CCDC73: variants seen among roughly 807,000 people sequenced by gnomAD.
CCDC73 encodes the protein coiled-coil domain-containing protein 73.
A neutral mutation model predicts 116.5 loss-of-function variants in CCDC73; 95 were observed. That is an observed-to-expected ratio of 0.82 (90% CI 0.69 to 0.97). CCDC73 has a LOEUF of 0.97. Ranked by LOEUF, CCDC73 falls within the 50% of genes least tolerant of loss-of-function variation. CCDC73 has a pLI of 0.00. For missense variants in CCDC73, 1,066 were observed against 1,206.8 expected, an observed-to-expected ratio of 0.88 and a Z score of 1.73; for synonymous variants, 398 against 401.3, an observed-to-expected ratio of 0.99 and a Z score of 0.10.
chr11:32,822,663 C>T, the CCDC73 span, among the ~76,000 whole-genome samples: 2 of 150,696 alleles, frequency 1.3e-5, no homozygotes, highest in African/African-American at 2.4e-5. Context: ...TATTATTAAA[C>T]CTAAGAAAAT....
At chr11:32,616,206 G>T in intron 14 of CCDC73, 77 bp from the exon 15 acceptor site, 4 of 1,371,934 alleles carry the variant, frequency 2.9e-6, no homozygotes, top group East Asian at 5.2e-5. Flanking sequence ...TGATAAATGT[G>T]GAATCTGTGT....
At chr11:32,819,469 T>TC in the CCDC73 span, among the ~76,000 whole-genome samples, 1 of 148,914 alleles carries the variant, frequency 6.7e-6, no homozygotes, top group Non-Finnish European at 1.5e-5. Context: ...AATAAGAGGT[T>TC]TTTTTTTTTT....
At chr11:32,741,781 G>C (rs967224700) in intron 2 of CCDC73, among the ~76,000 whole-genome samples, 1 of 151,906 alleles carries the variant, frequency 6.6e-6, no homozygotes, top group Non-Finnish European at 1.5e-5. Flanking sequence ...TGTACATTAG[G>C]TATTTCTCCT....
chr11:32,760,667 G>A (rs1850384208), intron 1 of CCDC73, among the ~76,000 whole-genome samples: 1 of 152,190 alleles, frequency 6.6e-6, no homozygotes, highest in Non-Finnish European at 1.5e-5. Context: ...ACTCAACATA[G>A]TTGGAAGACG....
intron 1 of CCDC73, among the ~76,000 whole-genome samples, chr11:32,776,993 A>ATATATATATATATATATATATACATG: frequency 5.1e-5 from 2 of 38,908 alleles, no homozygotes; most frequent in African/African-American, 2.2e-4. Context: ...ACACATGTAT[A>ATATATATATATATATATATATACATG]TATATATATA....
chr11:32,665,492 T>C (rs1565070540), intron 9 of CCDC73, among the ~76,000 whole-genome samples: 1 of 152,222 alleles, frequency 6.6e-6, no homozygotes, highest in Non-Finnish European at 1.5e-5. Context: ...CCTGTCTTTT[T>C]TTGTTTTCCA....
At chr11:32,664,126 T>G (rs1281555357) in intron 9 of CCDC73, among the ~76,000 whole-genome samples, 1 of 152,202 alleles carries the variant, frequency 6.6e-6, no homozygotes, top group Non-Finnish European at 1.5e-5. Flanking sequence ...ATTAGGGATA[T>G]TGGTCTAAAA....
chr11:32,749,426 T>C (rs185577506), intron 2 of CCDC73, among the ~76,000 whole-genome samples: 1 of 152,254 alleles, frequency 6.6e-6, no homozygotes, highest in Non-Finnish European at 1.5e-5. Context: ...TCTAAATTCT[T>C]CTGTGTTATC....
Position 32,614,334 on chromosome 11 carries a change from T to TTTTTATGTTTATGTTTA in CCDC73, c.1983_1984insTAAACATAAACATAAAA (p.Ile662Ter), listed in dbSNP as rs776695181. 1 of 1,611,510 alleles carries TTTTTATGTTTATGTTTA rather than the reference T, an allele frequency of 6.2e-7. No individual in the cohort carries two copies. Among genetic ancestry groups the TTTTTATGTTTATGTTTA allele is most frequent in the Non-Finnish European group, 8.5e-7 (1 of 1,178,286 alleles). On this transcript the variant is annotated stop_gained and frameshift_variant, in exon 16 of 18. Coordinates refer to ENST00000335185, the MANE Select transcript of CCDC73 (RefSeq NM_001008391.4). LOFTEE classifies it high-confidence loss of function. The stretch of plus-strand genomic sequence containing the variant: ...TTAGTTAACAGTTGTATTTGTTTTA[T>TTTTTATGTTTATGTTTA]TTTACATTGTTTATCATCTAACATA...
chr11:32,649,724 T>C (rs1020974976), intron 12 of CCDC73, among the ~76,000 whole-genome samples: 1 of 152,182 alleles, frequency 6.6e-6, no homozygotes, highest in Admixed American at 6.5e-5. Context: ...AATGTCAATA[T>C]AAGGTCATCA....
chr11:32,737,812 A>G (rs1322474980), intron 2 of CCDC73, among the ~76,000 whole-genome samples: 1 of 151,706 alleles, frequency 6.6e-6, no homozygotes, highest in African/African-American at 2.4e-5. Context: ...TGTACCCATG[A>G]ACCATCCCCA....
intron 1 of CCDC73, among the ~76,000 whole-genome samples, chr11:32,783,382 A>C (rs773442399): frequency 3.3e-5 from 5 of 152,160 alleles, no homozygotes; most frequent in Non-Finnish European, 7.3e-5. Flanking sequence ...GAAGCTCCTT[A>C]AGGATTTCTT....
At chr11:32,770,324 A>G (rs1850481280) in intron 1 of CCDC73, among the ~76,000 whole-genome samples, 1 of 152,202 alleles carries the variant, frequency 6.6e-6, no homozygotes, top group African/African-American at 2.4e-5. Context: ...ATTCTGCCAC[A>G]TTCTATTAAC....
At chr11:32,761,075 T>A (rs552892817) in intron 1 of CCDC73, among the ~76,000 whole-genome samples, 2 of 152,136 alleles carry the variant, frequency 1.3e-5, no homozygotes, top group Non-Finnish European at 2.9e-5. Flanking sequence ...CTAGCATCAA[T>A]ACAAGCTTCT....
At position 32,675,579 on chromosome 11, in the gene CCDC73, A is replaced by G. The variant is rs200779697; in HGVS notation, c.631T>C (p.Cys211Arg). Residue 211 changes from cysteine (C) to arginine (R), a missense_variant, in exon 9 of 18, where the codon TGC becomes CGC. Coordinates refer to ENST00000335185, the MANE Select transcript of CCDC73 (RefSeq NM_001008391.4). ...ATCAATCATACCTTCTTTAAACTGC[A>G]TATTTCAGCTTCTTGTTTTTTATTT... ...ALNKKQEAEICSLKKELKKAA... is the reference protein window; with the variant it reads ...ALNKKQEAEIRSLKKELKKAA... 136 of 1,578,484 alleles carry G rather than the reference A, an allele frequency of 8.6e-5. No individual in the cohort carries two copies. Among genetic ancestry groups the G allele is most frequent in the Admixed American group, 7.0e-4 (38 of 53,998 alleles).
At chr11:32,666,571 T>C (rs183389239) in intron 9 of CCDC73, among the ~76,000 whole-genome samples, 1 of 152,322 alleles carries the variant, frequency 6.6e-6, no homozygotes, top group East Asian at 1.9e-4. Context: ...TCATCTTTTT[T>C]CAAGGTTTTT....
At chr11:32,645,577 C>A (rs1285428656) in intron 12 of CCDC73, among the ~76,000 whole-genome samples, 3 of 151,964 alleles carry the variant, frequency 2.0e-5, no homozygotes, top group African/African-American at 7.2e-5. Flanking sequence ...GCATGAGCCA[C>A]CACGCCTGGC....
intron 13 of CCDC73, among the ~76,000 whole-genome samples, chr11:32,636,518 C>G (rs201855): frequency 0.029 from 4,428 of 152,214 alleles, 84 homozygotes; most frequent in Non-Finnish European, 0.039. Flanking sequence ...TCCACTGAGG[C>G]GAAAAATATC....
At chr11:32,738,219 A>T (rs1192861839) in intron 2 of CCDC73, among the ~76,000 whole-genome samples, 2 of 152,236 alleles carry the variant, frequency 1.3e-5, no homozygotes, top group African/African-American at 2.4e-5. Context: ...GTATATACCT[A>T]GTGGTGGGAT....
Sources: allele counts gnomAD v4.1 joint callset (sites outside exome capture counted in the v4.1 genomes callset), GRCh38; gene constraint gnomAD v4.1.1; transcripts MANE v1.5; gene names NCBI Gene and HGNC (gene_info 2026-07-23, HGNC 2026-07-21).